PLXNA2: variants seen among roughly 807,000 people sequenced by gnomAD.
The protein encoded by PLXNA2 is plexin A2.
PLXNA2 carries 91 observed loss-of-function variants against 193.5 expected under a neutral mutation model. That is an observed-to-expected ratio of 0.47 (90% CI 0.40 to 0.56). The LOEUF (loss-of-function observed/expected upper bound fraction) is 0.56, where lower values mean the gene tolerates loss of function less well. PLXNA2 is among the 20% of genes least tolerant of loss of function. The pLI is 0.00. For missense variants in PLXNA2, 1,995 were observed against 2,503.2 expected (o/e 0.80, Z 4.33); for synonymous variants, 997 against 1,027.3 (o/e 0.97, Z 0.56).
chr1:208,103,913 G>A (rs934193254), intron 4 of PLXNA2, among the ~76,000 whole-genome samples: 3 of 152,318 alleles, frequency 2.0e-5, no homozygotes, highest in East Asian at 1.9e-4. Context: ...CCCAGAGAGT[G>A]TAGCCCTTGC....
In PLXNA2 at chr1:208,053,890, C is replaced by G. The variant is rs562760162; in HGVS notation, c.2856+531G>C. On this transcript the variant is annotated intron_variant, in intron 14 of 31. Coordinates refer to ENST00000367033, the MANE Select transcript of PLXNA2 (RefSeq NM_025179.4). Reference sequence around the variant, plus strand: ...CTGTGTGAATGTGTGCGTGTAACCACAGTAGCGAGTTACACATACAGAGTG... The same window carrying G: ...CTGTGTGAATGTGTGCGTGTAACCAGAGTAGCGAGTTACACATACAGAGTG... Among the ~76,000 whole-genome samples the G allele has an allele frequency of 2.6e-5, 4 of 152,344 alleles. No homozygotes were observed. In the South Asian group the frequency reaches 8.3e-4, roughly 32 times the overall value.
chr1:208,140,155 G>T (rs1668419631), intron 4 of PLXNA2, among the ~76,000 whole-genome samples: 1 of 152,144 alleles, frequency 6.6e-6, no homozygotes, highest in African/African-American at 2.4e-5. Context: ...GACAGAGGAG[G>T]GGTATTTACA....
In PLXNA2 at chr1:208,054,505, T is replaced by C. The variant is rs1665363701; in HGVS notation, c.2772A>G (p.Gly924=). 6.2e-7 allele frequency: 1 copy of C among 1,614,098 alleles called. No individual in the cohort carries two copies. Among genetic ancestry groups the C allele is most frequent in the Admixed American group, 1.7e-5 (1 of 60,016 alleles). The change falls in exon 14 of 32, where the codon GGA becomes GGG. Residue 924 remains glycine (G), a synonymous_variant. Coordinates refer to ENST00000367033, the MANE Select transcript of PLXNA2 (RefSeq NM_025179.4). The part of the protein sequence containing the change: ...IVCEMGHALV[G]TTSGPVRLCI... ...ACAGGCGTACTGGCCCGGAGGTGGT[T>C]CCCACGAGGGCATGGCCCATCTCAC...
rs367978981 is a variant in PLXNA2, at chr1:208,114,530, C to T, written c.1507-11283G>A. Among the ~76,000 whole-genome samples the T allele has an allele frequency of 9.2e-5, 14 of 152,252 alleles. No individual in the cohort carries two copies. The East Asian group carries it at 1.2e-3, about 13-fold the overall frequency. On this transcript the variant is annotated intron_variant, in intron 4 of 31. Transcript: ENST00000367033. ...TCTGAGACCAGACTCTACCTCTCTGCCTAAACTGTTGTATGACTCTGAGTA... is the reference window on the plus strand; with the variant it reads ...TCTGAGACCAGACTCTACCTCTCTGTCTAAACTGTTGTATGACTCTGAGTA...
intron 4 of PLXNA2, among the ~76,000 whole-genome samples, chr1:208,131,405 C>T (rs991000006): frequency 6.6e-6 from 1 of 152,182 alleles, no homozygotes; most frequent in Non-Finnish European, 1.5e-5. Context: ...CTGATTGAAG[C>T]CTAATTGGAA....
At chr1:208,187,622 T>A (rs558770984) in intron 3 of PLXNA2, among the ~76,000 whole-genome samples, 1 of 152,370 alleles carries the variant, frequency 6.6e-6, no homozygotes, top group East Asian at 1.9e-4. Flanking sequence ...CAGCCAGTGC[T>A]ATGCGAAGAC....
intron 4 of PLXNA2, among the ~76,000 whole-genome samples, chr1:208,140,714 A>G (rs1668434755): frequency 6.6e-6 from 1 of 152,228 alleles, no homozygotes; most frequent in African/African-American, 2.4e-5. Flanking sequence ...CATTGCTTGA[A>G]TTTGTATAAC....
At chr1:208,156,826 T>C (rs562064608) in intron 3 of PLXNA2, among the ~76,000 whole-genome samples, 1 of 152,126 alleles carries the variant, frequency 6.6e-6, no homozygotes, top group East Asian at 1.9e-4. Flanking sequence ...ATTCTATACT[T>C]GAATCAAGTG....
At chr1:208,112,227 TG>T (rs1475659632) in intron 4 of PLXNA2, among the ~76,000 whole-genome samples, 6 of 152,228 alleles carry the variant, frequency 3.9e-5, no homozygotes, top group Non-Finnish European at 7.3e-5. Flanking sequence ...AAGAAACTTC[TG>T]GCCCCATACA....
chr1:208,038,878 A>G lies in PLXNA2; in HGVS notation c.4607T>C (p.Val1536Ala). ...TQVKEKILDA[V>A]YKNVPYSQRP... ...CTGGGAATAGGGCACATTCTTATAC[A>G]CGGCATCAAGAATCTTCTCCTTGAC... Residue 1536 changes from valine (V) to alanine (A), a missense_variant, in exon 25 of 32, where the codon GTG becomes GCG. Physicochemically the swap from Val to Ala is moderately conservative, Grantham distance 64. Transcript: ENST00000367033. This position sits in a 1 kb window ranked among gnomAD's most constrained non-coding sequence, Gnocchi z 4.1. The G allele has an allele frequency of 6.2e-7, 1 of 1,613,826 alleles. No homozygotes were observed. The highest frequency in any genetic ancestry group is 8.5e-7 in the Non-Finnish European group (1 of 1,179,936).
intron 3 of PLXNA2, among the ~76,000 whole-genome samples, chr1:208,156,821 A>G (rs1363426568): frequency 1.3e-5 from 2 of 152,218 alleles, no homozygotes; most frequent in Non-Finnish European, 2.9e-5. Flanking sequence ...ATTGCATTCT[A>G]TACTTGAATC....
chr1:208,085,662 C>T (rs144353442), intron 9 of PLXNA2, among the ~76,000 whole-genome samples: 117 of 152,368 alleles, frequency 7.7e-4, no homozygotes, highest in African/African-American at 2.8e-3. Flanking sequence ...CCTGTGGCCA[C>T]CTCTTGTCAT....
chr1:208,191,786 A>G (rs998063732), intron 3 of PLXNA2, among the ~76,000 whole-genome samples: 1 of 152,232 alleles, frequency 6.6e-6, no homozygotes, highest in African/African-American at 2.4e-5. Context: ...TTGGGGTGCT[A>G]TGAAGCACAT....
At chr1:208,152,678 C>A (rs1413640378) in intron 3 of PLXNA2, among the ~76,000 whole-genome samples, 4 of 107,624 alleles carry the variant, frequency 3.7e-5, no homozygotes, top group African/African-American at 1.3e-4. Flanking sequence ...TACACACACA[C>A]ACACGCACAC....
At chr1:208,177,382 C>A (rs1669690142) in intron 3 of PLXNA2, among the ~76,000 whole-genome samples, 1 of 152,126 alleles carries the variant, frequency 6.6e-6, no homozygotes, top group African/African-American at 2.4e-5. Context: ...AGCTGTGTAA[C>A]CTTCAAATCT....
At chr1:208,184,937 T>C (rs1296150811) in intron 3 of PLXNA2, among the ~76,000 whole-genome samples, 1 of 152,148 alleles carries the variant, frequency 6.6e-6, no homozygotes, top group Non-Finnish European at 1.5e-5. Flanking sequence ...AGCCCAACAG[T>C]CCAATTAAGC....
intron 3 of PLXNA2, among the ~76,000 whole-genome samples, chr1:208,153,555 G>T (rs1668835925): frequency 6.6e-6 from 1 of 152,230 alleles, no homozygotes; most frequent in Non-Finnish European, 1.5e-5. Flanking sequence ...TCCCCAGTGG[G>T]CTGGTGAGAG....
intron 22 of PLXNA2, 49 bp downstream of exon 22, chr1:208,042,048 TC>T: frequency 6.3e-7 from 1 of 1,587,278 alleles, no homozygotes; most frequent in East Asian, 2.2e-5. Flanking sequence ...AGGTGCTCTG[TC>T]CAGGTTCAGA....
chr1:208,066,446 G>A (rs938209320), intron 12 of PLXNA2, among the ~76,000 whole-genome samples: 2 of 152,116 alleles, frequency 1.3e-5, no homozygotes, highest in Admixed American at 6.5e-5. Context: ...GGTCAATGAC[G>A]GACCATATAT....
Sources: allele counts gnomAD v4.1 joint callset (sites outside exome capture counted in the v4.1 genomes callset), GRCh38; gene constraint gnomAD v4.1.1; non-coding constraint Gnocchi (gnomAD v3.1); transcripts MANE v1.5; gene names NCBI Gene and HGNC (gene_info 2026-07-23, HGNC 2026-07-21).